Variants in RAP1A observed in about 807,000 individuals in gnomAD.
The protein encoded by RAP1A is ras-related protein Rap-1A.
Under a neutral mutation model 26.4 loss-of-function variants are expected in RAP1A, and 6 were observed. The observed-to-expected ratio is 0.23, with a 90% CI of 0.12 to 0.45. The LOEUF (loss-of-function observed/expected upper bound fraction) is 0.45, where lower values mean the gene tolerates loss of function less well. RAP1A is among the 20% of genes least tolerant of loss of function. The pLI is 0.99. For synonymous variants in RAP1A, 73 were observed against 79.4 expected (o/e 0.92, Z 0.43); for missense variants, 121 against 217.2 (o/e 0.56, Z 2.78).
chr1:111,683,800 A>G (rs1229926035), intron 1 of RAP1A, among the ~76,000 whole-genome samples: 3 of 152,220 alleles, frequency 2.0e-5, no homozygotes, highest in Non-Finnish European at 4.4e-5. Flanking sequence ...ACTGCTCCCT[A>G]ACTCATTTTA....
intron 1 of RAP1A, among the ~76,000 whole-genome samples, chr1:111,555,592 G>A (rs921620441): frequency 6.6e-6 from 1 of 151,918 alleles, no homozygotes; most frequent in African/African-American, 2.4e-5. Flanking sequence ...TAAGAAACAT[G>A]GAGAATGAAG....
At position 111,619,812 on chromosome 1, in the gene RAP1A, C is replaced by G. The variant is rs929940804; in HGVS notation, c.-150C>G. 1 of 399,172 alleles carries G rather than the reference C, an allele frequency of 2.5e-6. No homozygotes were observed. Among genetic ancestry groups the G allele is most frequent in the South Asian group, 1.3e-4 (1 of 7,906 alleles). The allele number at this position is 399,172 out of a possible 1,614,324, so 24.7% of individuals were successfully genotyped here. A position where few individuals can be genotyped will look rare whatever the true frequency, so the allele number is the denominator to read the frequency against. On this transcript the variant is annotated 5_prime_UTR_variant, in exon 1 of 8. Coordinates refer to ENST00000369709, the MANE Select transcript of RAP1A (RefSeq NM_002884.4). Reference sequence around the variant, plus strand: ...CCGCCGCCGCTCCCGAGGCCCCTGCCGCCGCCGCTCCCGCTGCTGTCGCCG... The same window carrying G: ...CCGCCGCCGCTCCCGAGGCCCCTGCGGCCGCCGCTCCCGCTGCTGTCGCCG...
chr1:111,565,012 T>C (rs1269659037), intron 1 of RAP1A, among the ~76,000 whole-genome samples: 1 of 152,110 alleles, frequency 6.6e-6, no homozygotes, highest in East Asian at 1.9e-4. Flanking sequence ...ATGGGGTCTA[T>C]GTTGGAAAGA....
chr1:111,678,325 A>G (rs1416651565), intron 1 of RAP1A, among the ~76,000 whole-genome samples: 1 of 152,136 alleles, frequency 6.6e-6, no homozygotes, highest in East Asian at 1.9e-4. Context: ...TCTTGCACAT[A>G]TTTTGCTAAA....
chr1:111,700,180 G>T (rs1195827838), intron 4 of RAP1A, among the ~76,000 whole-genome samples: 3 of 152,102 alleles, frequency 2.0e-5, no homozygotes, highest in African/African-American at 7.2e-5. Flanking sequence ...AATACAATCT[G>T]TATGCTGATA....
chr1:111,656,231 G>T (rs1660454369), intron 1 of RAP1A, among the ~76,000 whole-genome samples: 1 of 151,972 alleles, frequency 6.6e-6, no homozygotes, highest in Non-Finnish European at 1.5e-5. Context: ...TATCGGCGGG[G>T]GTGGGGGTTG....
intron 1 of RAP1A, among the ~76,000 whole-genome samples, chr1:111,596,784 T>C (rs1234276876): frequency 6.6e-6 from 1 of 152,198 alleles, no homozygotes; most frequent in Non-Finnish European, 1.5e-5. Context: ...CAGAGTCCTT[T>C]TTATAACAGC....
intron 1 of RAP1A, among the ~76,000 whole-genome samples, chr1:111,601,906 T>A (rs1290604657): frequency 6.6e-6 from 1 of 152,208 alleles, no homozygotes; most frequent in African/African-American, 2.4e-5. Flanking sequence ...GTAAGAGGAA[T>A]ATGATTTCAA....
At chr1:111,585,485 G>GA (rs35379340) in intron 1 of RAP1A, among the ~76,000 whole-genome samples, 49,196 of 148,150 alleles carry the variant, frequency 0.33, 9,752 homozygotes, top group Non-Finnish European at 0.45. Flanking sequence ...CCTTCCAACA[G>GA]AAAAAAAAAA....
intron 1 of RAP1A, among the ~76,000 whole-genome samples, chr1:111,578,594 AG>A (rs1486859227): frequency 1.3e-5 from 2 of 152,138 alleles, no homozygotes; most frequent in African/African-American, 2.4e-5. Flanking sequence ...AGAGTGTAAA[AG>A]GAAAAAAAAA....
chr1:111,673,205 C>T (rs72987118), intron 1 of RAP1A, among the ~76,000 whole-genome samples: 1,652 of 152,180 alleles, frequency 0.011, 25 homozygotes, highest in African/African-American at 0.038. Context: ...ATATTCACTC[C>T]CCTCCCCACC....
chr1:111,660,028 A>G (rs1660581724), intron 1 of RAP1A, among the ~76,000 whole-genome samples: 1 of 152,252 alleles, frequency 6.6e-6, no homozygotes, highest in Admixed American at 6.5e-5. Context: ...GACAAGTAAA[A>G]GTAAAGTTTC....
In RAP1A at chr1:111,695,357, A is replaced by G. The variant is rs1356285210; in HGVS notation, c.74A>G (p.Gln25Arg). The G allele has an allele frequency of 6.4e-7, 1 of 1,569,148 alleles. No homozygotes were observed. The highest frequency in any genetic ancestry group is 8.6e-7 in the Non-Finnish European group (1 of 1,164,866). Reference protein sequence around the residue: ...GKSALTVQFVQGIFVEKYDPT... With the variant: ...GKSALTVQFVRGIFVEKYDPT... ...TTCCCCCAGACAGTTCAGTTTGTTC[A>G]GGGAATTTTTGTTGAAAAATATGAC... The change falls in exon 3 of 8, where the codon CAG becomes CGG. Residue 25 changes from glutamine to arginine, a missense_variant. By Grantham distance (43) the Gln-to-Arg change is conservative. Coordinates refer to ENST00000369709, the MANE Select transcript of RAP1A (RefSeq NM_002884.4).
intron 1 of RAP1A, among the ~76,000 whole-genome samples, chr1:111,687,802 C>G (rs1310600319): frequency 1.3e-5 from 2 of 151,776 alleles, no homozygotes; most frequent in African/African-American, 4.8e-5. Context: ...GCCTTTGAGC[C>G]CAGGAGTTTG....
intron 1 of RAP1A, among the ~76,000 whole-genome samples, chr1:111,611,347 G>A (rs144916485): frequency 8.1e-4 from 124 of 152,246 alleles, no homozygotes; most frequent in African/African-American, 3.0e-3. Context: ...TGTTTGGTGT[G>A]TATTCCTTTA....
chr1:111,658,016 GACTT>G (rs1293467074), intron 1 of RAP1A, among the ~76,000 whole-genome samples: 2 of 152,074 alleles, frequency 1.3e-5, no homozygotes, highest in Non-Finnish European at 1.5e-5. Context: ...AATTTATTGA[GACTT>G]ACTTTATAAT....
chr1:111,682,838 C>T (rs1661339752), intron 1 of RAP1A, among the ~76,000 whole-genome samples: 1 of 152,208 alleles, frequency 6.6e-6, no homozygotes, highest in African/African-American at 2.4e-5. Context: ...TAGACATCTA[C>T]AGAACCGTCC....
At chr1:111,632,316 AAATT>A (rs949526216) in intron 1 of RAP1A, among the ~76,000 whole-genome samples, 3 of 152,076 alleles carry the variant, frequency 2.0e-5, no homozygotes, top group Admixed American at 6.5e-5. Context: ...CTAATCCTTC[AAATT>A]AATTAATATC....
chr1:111,655,240 A>AAAAG (rs1553220634), intron 1 of RAP1A, among the ~76,000 whole-genome samples: 114 of 128,166 alleles, frequency 8.9e-4, no homozygotes, highest in African/African-American at 2.8e-3. Context: ...AACTGAAAAA[A>AAAAG]AAGAAAAAAA....
Sources: gnomAD v4.1 joint callset for allele counts (sites outside exome capture counted in the v4.1 genomes callset) on GRCh38, gnomAD v4.1.1 for gene constraint, MANE v1.5 for transcripts, NCBI Gene and HGNC (gene_info 2026-07-23, HGNC 2026-07-21) for gene names.